NAA11: variants seen among roughly 807,000 people sequenced by gnomAD.
NAA11 encodes the protein N-alpha-acetyltransferase 11.
Under a neutral mutation model 16.1 loss-of-function variants are expected in NAA11, and 15 were observed. The observed-to-expected ratio is 0.93, with a 90% CI of 0.62 to 1.44. The LOEUF (loss-of-function observed/expected upper bound fraction) is 1.44. NAA11 is among the 40% of genes most tolerant of loss of function. The pLI is 0.00. For missense variants in NAA11, 298 were observed against 291.3 expected (o/e 1.02, Z -0.17); for synonymous variants, 122 against 112.4 (o/e 1.09, Z -0.54).
the NAA11 span, among the ~76,000 whole-genome samples, chr4:79,179,801 GA>G: frequency 6.6e-6 from 1 of 152,194 alleles, no homozygotes; most frequent in Non-Finnish European, 1.5e-5. Context: ...CTGCTATAAA[GA>G]ATTGCTTCAG....
the NAA11 span, among the ~76,000 whole-genome samples, chr4:79,214,486 G>A: frequency 6.6e-6 from 1 of 152,216 alleles, no homozygotes; most frequent in South Asian, 2.1e-4. Context: ...CATTAGTGTG[G>A]GAGTGGGTTT....
chr4:79,220,426 CGTGTGTGTGTCTGTGTGTGTGT>C, the NAA11 span, among the ~76,000 whole-genome samples: 3 of 131,426 alleles, frequency 2.3e-5, no homozygotes, highest in South Asian at 7.3e-4. Context: ...GGTTTGTGTG[CGTGTGTGTGTCTGTGTGTGTGT>C]GTGTGTGTGT....
At chr4:79,238,225 A>T (rs943668640) in intron 2 of NAA11, among the ~76,000 whole-genome samples, 1 of 152,238 alleles carries the variant, frequency 6.6e-6, no homozygotes, top group South Asian at 2.1e-4. Context: ...GTTAAATGCC[A>T]TAAGGACCTA....
intron 1 of NAA11, among the ~76,000 whole-genome samples, chr4:79,301,652 A>G (rs111369779): frequency 5.1e-4 from 78 of 152,340 alleles, no homozygotes; most frequent in African/African-American, 1.9e-3. Flanking sequence ...CATGGTGGTG[A>G]TAAAAGCTGG....
chr4:79,254,508 C>T (rs1443436734), intron 2 of NAA11, among the ~76,000 whole-genome samples: 1 of 152,026 alleles, frequency 6.6e-6, no homozygotes, highest in Non-Finnish European at 1.5e-5. Flanking sequence ...CACATGGTGT[C>T]CCAGATTCCC....
At chr4:79,201,478 C>A in the NAA11 span, among the ~76,000 whole-genome samples, 548 of 151,744 alleles carry the variant, frequency 3.6e-3, 1 homozygote, top group African/African-American at 0.013. Context: ...ATTTTACTTT[C>A]TTTATGAATC....
chr4:79,177,404 CA>C, the NAA11 span, among the ~76,000 whole-genome samples: 42 of 147,590 alleles, frequency 2.8e-4, no homozygotes, highest in East Asian at 9.9e-4. Flanking sequence ...TTTGACTTAT[CA>C]AAAAAAAAAA....
intron 1 of NAA11, among the ~76,000 whole-genome samples, chr4:79,295,883 G>T (rs553351382): frequency 1.3e-5 from 2 of 152,130 alleles, no homozygotes; most frequent in African/African-American, 4.8e-5. Context: ...TATACAATTT[G>T]TTCTTCTGTT....
intron 2 of NAA11, among the ~76,000 whole-genome samples, chr4:79,243,944 T>G (rs912117313): frequency 1.3e-5 from 2 of 152,220 alleles, no homozygotes; most frequent in Non-Finnish European, 2.9e-5. Context: ...TGCAGGGTTC[T>G]CCTTACCCTT....
At chr4:79,252,440 C>T (rs1722017078) in intron 2 of NAA11, among the ~76,000 whole-genome samples, 1 of 151,950 alleles carries the variant, frequency 6.6e-6, no homozygotes, top group Admixed American at 6.6e-5. Context: ...GTTGAGCTCC[C>T]ATTCTCATAG....
intron 2 of NAA11, among the ~76,000 whole-genome samples, chr4:79,267,423 A>G (rs1395290335): frequency 1.3e-5 from 2 of 152,196 alleles, no homozygotes; most frequent in Non-Finnish European, 1.5e-5. Flanking sequence ...AATGAGATTC[A>G]GACTCTGAAC....
At chr4:79,195,134 G>T in the NAA11 span, among the ~76,000 whole-genome samples, 36 of 152,196 alleles carry the variant, frequency 2.4e-4, no homozygotes, top group African/African-American at 7.7e-4. Context: ...TATGTTTTTG[G>T]TGAGAGATGA....
the NAA11 span, among the ~76,000 whole-genome samples, chr4:79,200,934 C>G: frequency 9.7e-4 from 147 of 151,198 alleles, no homozygotes; most frequent in African/African-American, 3.4e-3. Flanking sequence ...AAATAGATGT[C>G]TAATAAGCCA....
At chr4:79,219,774 T>TCA in the NAA11 span, among the ~76,000 whole-genome samples, 4 of 152,196 alleles carry the variant, frequency 2.6e-5, no homozygotes, top group Non-Finnish European at 5.9e-5. Context: ...GTCACATGTA[T>TCA]CACAACACTT....
At chr4:79,190,175 A>T in the NAA11 span, among the ~76,000 whole-genome samples, 1,212 of 152,344 alleles carry the variant, frequency 8.0e-3, 20 homozygotes, top group African/African-American at 0.028. Context: ...CAAATGTAAT[A>T]GAAACTTGAA....
chr4:79,157,898 A>ATTT, the NAA11 span, among the ~76,000 whole-genome samples: 61 of 125,966 alleles, frequency 4.8e-4, 1 homozygote, highest in African/African-American at 1.6e-3. Flanking sequence ...ATTGCTGATG[A>ATTT]TTTTTTTTTT....
intron 2 of NAA11, among the ~76,000 whole-genome samples, chr4:79,228,562 A>C (rs528141701): frequency 1.1e-4 from 15 of 136,098 alleles, no homozygotes; most frequent in African/African-American, 3.8e-4. Context: ...ATTGAATTAT[A>C]TTGTATGTAG....
At chr4:79,268,144 A>G (rs1027763418) in intron 2 of NAA11, among the ~76,000 whole-genome samples, 2 of 152,164 alleles carry the variant, frequency 1.3e-5, no homozygotes, top group Admixed American at 6.6e-5. Context: ...GGTTCAAAGG[A>G]TTCTTTTTAC....
At chr4:79,208,925 CAAAA>C in the NAA11 span, among the ~76,000 whole-genome samples, 2 of 53,970 alleles carry the variant, frequency 3.7e-5, no homozygotes, top group African/African-American at 1.2e-4. Flanking sequence ...ATATAACTGC[CAAAA>C]AAAAAAAAAA....
Sources: allele counts gnomAD v4.1 joint callset (sites outside exome capture counted in the v4.1 genomes callset), GRCh38; gene constraint gnomAD v4.1.1; transcripts MANE v1.5; gene names NCBI Gene and HGNC (gene_info 2026-07-23, HGNC 2026-07-21).